ITGB6: variants seen among roughly 807,000 people sequenced by gnomAD.
The protein encoded by ITGB6 is integrin subunit beta 6, also known as integrin beta-6.
Under a neutral mutation model 84.5 loss-of-function variants are expected in ITGB6, and 80 were observed. The ratio of observed to expected loss-of-function variants is 0.95; its 90% confidence interval spans 0.79 to 1.14. The LOEUF (loss-of-function observed/expected upper bound fraction) is 1.14. Among genes scored for constraint, ITGB6 ranks in the 50% most tolerant of loss-of-function variants. The pLI is 0.00. For synonymous variants in ITGB6, 383 were observed against 354.9 expected (o/e 1.08, Z -0.89); for missense variants, 1,006 against 968.0 (o/e 1.04, Z -0.52).
chr2:160,163,219 G>A (rs1684884250), intron 7 of ITGB6, among the ~76,000 whole-genome samples: 1 of 152,110 alleles, frequency 6.6e-6, no homozygotes, highest in African/African-American at 2.4e-5. Context: ...ACAGCAATAG[G>A]GAAGAACCCT....
chr2:160,108,302 C>T (rs1696992340), intron 13 of ITGB6, among the ~76,000 whole-genome samples: 1 of 150,028 alleles, frequency 6.7e-6, no homozygotes, highest in Non-Finnish European at 1.5e-5. Flanking sequence ...CATGGGGAGT[C>T]TAGAAGACTA....
At chr2:160,182,207 G>A (rs1043822307) in intron 4 of ITGB6, among the ~76,000 whole-genome samples, 7 of 152,134 alleles carry the variant, frequency 4.6e-5, no homozygotes, top group Non-Finnish European at 1.0e-4. Flanking sequence ...AACTAAAGGA[G>A]CATGTTCTAA....
intron 7 of ITGB6, among the ~76,000 whole-genome samples, chr2:160,145,620 C>T (rs1345972705): frequency 2.0e-5 from 3 of 152,208 alleles, no homozygotes; most frequent in Non-Finnish European, 4.4e-5. Context: ...GGGCTCCTCT[C>T]AGAGAGGGAC....
chr2:160,102,627 G>A (rs1696762304), intron 14 of ITGB6, among the ~76,000 whole-genome samples: 2 of 152,190 alleles, frequency 1.3e-5, no homozygotes, highest in Non-Finnish European at 2.9e-5. Flanking sequence ...GTGCTGTTTG[G>A]GTTATAGATG....
intron 10 of ITGB6, among the ~76,000 whole-genome samples, chr2:160,133,740 G>A (rs1683572182): frequency 6.6e-6 from 1 of 152,098 alleles, no homozygotes; most frequent in South Asian, 2.1e-4. Flanking sequence ...TAGAACTCAG[G>A]ATTACGAAAC....
At chr2:160,194,256 A>T (rs1305454426) in intron 4 of ITGB6, among the ~76,000 whole-genome samples, 1 of 152,182 alleles carries the variant, frequency 6.6e-6, no homozygotes, top group Non-Finnish European at 1.5e-5. Flanking sequence ...TGTTACAATC[A>T]TTGATAAATT....
At chr2:160,173,811 TTTAA>T (rs1319342321) in intron 5 of ITGB6, among the ~76,000 whole-genome samples, 159 bp downstream of exon 5, 2 of 152,200 alleles carry the variant, frequency 1.3e-5, no homozygotes, top group African/African-American at 4.8e-5. Flanking sequence ...TTCAACATGA[TTTAA>T]TTAAACATTT....
At position 160,116,223 on chromosome 2, in the gene ITGB6, A is replaced by G. The variant is rs539290047; in HGVS notation, c.1982-4024T>C. 2.6e-5 allele frequency among the ~76,000 whole-genome samples: 4 copies of G among 152,128 alleles called. No individual in the cohort carries two copies. The South Asian group carries it at 8.3e-4, about 32-fold the overall frequency. On this transcript the variant is annotated intron_variant, in intron 12 of 14. Transcript: ENST00000283249. ...GACACACAATTATCAGATTCACCAAAGTTGAAATTAAGGAAAAAATGCTAA... is the reference window on the plus strand; with the variant it reads ...GACACACAATTATCAGATTCACCAAGGTTGAAATTAAGGAAAAAATGCTAA...
At chr2:160,156,845 G>A (rs930590462) in intron 7 of ITGB6, among the ~76,000 whole-genome samples, 2 of 152,142 alleles carry the variant, frequency 1.3e-5, no homozygotes, top group Non-Finnish European at 2.9e-5. Context: ...CATCACTTCT[G>A]TTAGGTGCCT....
intron 12 of ITGB6, among the ~76,000 whole-genome samples, chr2:160,116,862 T>A (rs1682794427): frequency 6.6e-6 from 1 of 150,894 alleles, no homozygotes; most frequent in African/African-American, 2.4e-5. Context: ...GGGGTTGCAA[T>A]CCTAGTCTCT....
At chr2:160,131,433 G>C (rs1407685851) in intron 10 of ITGB6, among the ~76,000 whole-genome samples, 4 of 150,810 alleles carry the variant, frequency 2.7e-5, no homozygotes, top group Non-Finnish European at 5.9e-5. Context: ...TTACAAACTG[G>C]AGATCCACAC....
At chr2:160,106,904 A>G (rs1416375711) in intron 14 of ITGB6, among the ~76,000 whole-genome samples, 1 of 152,220 alleles carries the variant, frequency 6.6e-6, no homozygotes, top group African/African-American at 2.4e-5. Flanking sequence ...TAGAATCAGC[A>G]ATGTAAGATA....
intron 12 of ITGB6, among the ~76,000 whole-genome samples, chr2:160,116,808 G>A (rs1682791306): frequency 1.3e-5 from 2 of 152,008 alleles, no homozygotes; most frequent in Non-Finnish European, 1.5e-5. Flanking sequence ...AAAATAAAGG[G>A]ATGGAGGAAG....
Position 160,196,318 on chromosome 2 carries a change from C to T in ITGB6, c.244G>A (p.Val82Ile), listed in dbSNP as rs1460342706. ...AGAGGCTTATTTTTAAGTATTTCTA[C>T]TTGGGAGACAGGGTTTTCGATGAAG... ...LNFIENPVSQ[V>I]EILKNKPLSV... is the part of the protein sequence containing the mutation. The change falls in exon 3 of 15, where the codon GTA becomes ATA. Residue 82 changes from valine to isoleucine, a missense_variant. Transcript: ENST00000283249. 1.2e-5 allele frequency: 20 copies of T among 1,613,888 alleles called. No homozygotes were observed. The highest frequency in any genetic ancestry group is 1.7e-5 in the Non-Finnish European group (20 of 1,179,974).
intron 14 of ITGB6, among the ~76,000 whole-genome samples, chr2:160,106,525 A>T (rs984113216): frequency 6.6e-6 from 1 of 152,220 alleles, no homozygotes; most frequent in Non-Finnish European, 1.5e-5. Context: ...GGTGTGAGCC[A>T]CCATGCCCAG....
intron 11 of ITGB6, among the ~76,000 whole-genome samples, chr2:160,124,574 C>A (rs1356729943): frequency 2.6e-5 from 4 of 152,174 alleles, no homozygotes; most frequent in African/African-American, 7.2e-5. Flanking sequence ...AAAATTTAGA[C>A]CCTGAATTAA....
At chr2:160,150,322 A>G (rs1259363571) in intron 7 of ITGB6, among the ~76,000 whole-genome samples, 1 of 152,222 alleles carries the variant, frequency 6.6e-6, no homozygotes, top group East Asian at 1.9e-4. Flanking sequence ...TAAAGAAAAG[A>G]ATTTTCAACC....
At chr2:160,192,644 G>T (rs1288182893) in intron 4 of ITGB6, among the ~76,000 whole-genome samples, 2 of 152,024 alleles carry the variant, frequency 1.3e-5, no homozygotes, top group African/African-American at 4.8e-5. Context: ...ACAAACTTTT[G>T]CTTGACCAAA....
In ITGB6 at chr2:160,196,200, C is replaced by T. The variant is rs768627829; in HGVS notation, c.346+16G>A. The T allele has an allele frequency of 6.2e-7, 1 of 1,609,784 alleles. No individual in the cohort carries two copies. The highest frequency in any genetic ancestry group is 1.7e-5 in the Admixed American group (1 of 60,000). ...ATGACATTAGATCTATTTACATGAGCCAAATCCTAACATACCTGGTCTCAA... is the reference window on the plus strand; with the variant it reads ...ATGACATTAGATCTATTTACATGAGTCAAATCCTAACATACCTGGTCTCAA... On this transcript the variant is annotated intron_variant, in intron 3 of 14. Coordinates refer to ENST00000283249, the MANE Select transcript of ITGB6 (RefSeq NM_000888.5).
Sources: allele counts gnomAD v4.1 joint callset (sites outside exome capture counted in the v4.1 genomes callset), GRCh38; gene constraint gnomAD v4.1.1; transcripts MANE v1.5; gene names NCBI Gene and HGNC (gene_info 2026-07-23, HGNC 2026-07-21).